The following MPPED1 variants were observed in gnomAD, a reference collection of about 807,000 sequenced individuals.
MPPED1 encodes metallophosphoesterase domain-containing protein 1.
MPPED1 carries 16 observed loss-of-function variants against 36.2 expected under a neutral mutation model. The ratio of observed to expected loss-of-function variants is 0.44; its 90% CI spans 0.30 to 0.67. The LOEUF is 0.67. Among genes scored for constraint, MPPED1 ranks in the 30% least tolerant of loss-of-function variants. The pLI, the probability that MPPED1 is intolerant of heterozygous loss-of-function variation, is 0.10. For missense variants in MPPED1, 307 were observed against 453.4 expected (o/e 0.68, Z 2.93); for synonymous variants, 199 against 191.3 (o/e 1.04, Z -0.33).
chr22:43,451,996 CT>C (rs1930586236), intron 3 of MPPED1, among the ~76,000 whole-genome samples: 1 of 151,880 alleles, frequency 6.6e-6, no homozygotes, highest in Non-Finnish European at 1.5e-5. Context: ...CTGTGATCAC[CT>C]CCCTATATTT....
intron 3 of MPPED1, among the ~76,000 whole-genome samples, chr22:43,454,269 A>G (rs1196946043): frequency 2.0e-5 from 3 of 151,816 alleles, no homozygotes; most frequent in Admixed American, 6.6e-5. Flanking sequence ...TTGGCCTCCC[A>G]AAGTACTGGG....
intron 3 of MPPED1, among the ~76,000 whole-genome samples, chr22:43,464,464 A>G (rs963173638): frequency 9.9e-5 from 15 of 152,188 alleles, no homozygotes; most frequent in Non-Finnish European, 2.2e-4. Flanking sequence ...TCTGGCTTCC[A>G]GATTTGATAG....
Position 43,500,792 on chromosome 22 carries a change from G to A in MPPED1, c.749-1852G>A, listed in dbSNP as rs560499859. Among the ~76,000 whole-genome samples, 13 of 152,192 alleles carry A rather than the reference G, an allele frequency of 8.5e-5. 1 individual carries two copies. Among genetic ancestry groups the A allele is most frequent in the African/African-American group, 2.4e-4 (10 of 41,496 alleles). On this transcript the variant is annotated intron_variant, in intron 5 of 6. Transcript: ENST00000443721. ...GAGGGTTCAGGAACAGCCAAGCCCC[G>A]TGGGACACATTCGGGGGTGAGGGAA...
intron 4 of MPPED1, among the ~76,000 whole-genome samples, chr22:43,480,062 T>C (rs1244559864): frequency 2.0e-5 from 3 of 152,132 alleles, no homozygotes; most frequent in Admixed American, 6.5e-5. Flanking sequence ...TGGGGTCTCA[T>C]GTTGTTGCCC....
chr22:43,495,267 T>TGGTGGTGGTGGTGGA (rs1932228478), intron 4 of MPPED1, among the ~76,000 whole-genome samples: 1 of 135,084 alleles, frequency 7.4e-6, no homozygotes, highest in Non-Finnish European at 1.6e-5. Context: ...GTGATGGAGG[T>TGGTGGTGGTGGTGGA]GGTGGTGGTG....
At chr22:43,434,487 A>G (rs1054899579) in intron 2 of MPPED1, among the ~76,000 whole-genome samples, 1 of 152,236 alleles carries the variant, frequency 6.6e-6, no homozygotes, top group Non-Finnish European at 1.5e-5. Context: ...TGGGGGCCAT[A>G]GCGCCCCTAA....
chr22:43,497,543 C>T (rs1252129573), intron 4 of MPPED1, among the ~76,000 whole-genome samples: 4 of 152,066 alleles, frequency 2.6e-5, no homozygotes, highest in African/African-American at 4.8e-5. Context: ...TTGGAAGGAT[C>T]TAGGTGATGT....
chr22:43,497,438 C>T (rs557522003), intron 4 of MPPED1, among the ~76,000 whole-genome samples: 152 of 152,072 alleles, frequency 1.0e-3, no homozygotes, highest in African/African-American at 3.5e-3. Flanking sequence ...TAACAGCTGC[C>T]GACAGCTGCC....
chr22:43,419,595 C>T (rs561815175), intron 1 of MPPED1, among the ~76,000 whole-genome samples: 43 of 152,070 alleles, frequency 2.8e-4, no homozygotes, highest in African/African-American at 9.4e-4. Context: ...CACCTGAGGG[C>T]GGCAGCTGCT....
In MPPED1 at chr22:43,477,904, A is replaced by G. The variant is rs541933094; in HGVS notation, c.632+2943A>G. On this transcript the variant is annotated intron_variant, in intron 4 of 6. Coordinates refer to ENST00000443721, the MANE Select transcript of MPPED1 (RefSeq NM_001044370.2). ...CCGCCTGCCTTGTTGGGGGGTTGTG[A>G]GGTCTGCTTGGGCCCATCCAGGTGA... Among the ~76,000 whole-genome samples the G allele has an allele frequency of 3.2e-4, 48 of 152,242 alleles. 1 individual carries two copies. The highest frequency in any genetic ancestry group is 1.2e-3 in the African/African-American group (48 of 41,552).
chr22:43,432,839 GAGAA>G (rs1929795411), intron 2 of MPPED1, among the ~76,000 whole-genome samples: 2 of 145,996 alleles, frequency 1.4e-5, no homozygotes, highest in Non-Finnish European at 3.0e-5. Flanking sequence ...AGGAGAGAGA[GAGAA>G]AGGGAGGAGA....
chr22:43,494,721 G>A (rs1478407544), intron 4 of MPPED1, among the ~76,000 whole-genome samples: 1 of 151,952 alleles, frequency 6.6e-6, no homozygotes, highest in Non-Finnish European at 1.5e-5. Context: ...TGGTGGTGGT[G>A]GTGATGGTGG....
At chr22:43,415,552 T>C (rs1344586084) in intron 1 of MPPED1, among the ~76,000 whole-genome samples, 4 of 152,320 alleles carry the variant, frequency 2.6e-5, no homozygotes, top group African/African-American at 7.2e-5. Flanking sequence ...CAAATTGTGA[T>C]TTGAGGTGTT....
In MPPED1 at chr22:43,455,115, C is replaced by CTTTTTTTTTTTTTTTT. The variant is rs71284734; in HGVS notation, c.407-19609_407-19608insTTTTTTTTTTTTTTTT. Reference sequence around the variant, plus strand: ...TTCTCTGCCTCTCTGCCTTCATGTCCTTTTTTTTTTTTGAGACGAAGTCTT... The same window carrying CTTTTTTTTTTTTTTTT: ...TTCTCTGCCTCTCTGCCTTCATGTCCTTTTTTTTTTTTTTTTTTTTTTTTTTTTGAGACGAAGTCTT... On this transcript the variant is annotated intron_variant, in intron 3 of 6. Transcript: ENST00000443721. Among the ~76,000 whole-genome samples, 12 of 122,780 alleles carry CTTTTTTTTTTTTTTTT rather than the reference C, an allele frequency of 9.8e-5. 1 individual carries two copies. Among genetic ancestry groups the CTTTTTTTTTTTTTTTT allele is most frequent in the East Asian group, 5.7e-4 (2 of 3,480 alleles). 80.5% of individuals were successfully genotyped at this position (122,780 alleles called of 152,430 possible). A position where few individuals can be genotyped will look rare whatever the true frequency, so the allele number is the denominator to read the frequency against.
At chr22:43,492,667 GCC>G in intron 4 of MPPED1, among the ~76,000 whole-genome samples, 1 of 152,264 alleles carries the variant, frequency 6.6e-6, no homozygotes, top group South Asian at 2.1e-4. Flanking sequence ...CATTCCCCAG[GCC>G]CCCACCTGTG....
rs761143521 is a variant in MPPED1 at position 43,435,115 on chromosome 22, G to A, written c.306G>A (p.Thr102=). 3.0e-5 allele frequency: 49 copies of A among 1,613,744 alleles called. No homozygotes were observed. The highest frequency in any genetic ancestry group is 5.3e-5 in the African/African-American group (4 of 74,930). ...FVCVSDTHSR[T]DPIQMPYGDV... Reference sequence around the variant, plus strand: ...GCGTCTCTGATACCCACTCGAGGACGGACCCCATCCAGATGCCGTACGGCG... The same window carrying A: ...GCGTCTCTGATACCCACTCGAGGACAGACCCCATCCAGATGCCGTACGGCG... Residue 102 remains threonine, a synonymous_variant, in exon 3 of 7, where the codon ACG becomes ACA. Coordinates refer to ENST00000443721, the MANE Select transcript of MPPED1 (RefSeq NM_001044370.2).
intron 2 of MPPED1, 115 bp downstream of exon 2, chr22:43,425,324 G>A: frequency 2.1e-6 from 3 of 1,429,362 alleles, no homozygotes; most frequent in East Asian, 2.5e-5. Context: ...AATGTTTGTT[G>A]ACTGCAACAA....
chr22:43,453,326 C>T (rs527310613), intron 3 of MPPED1, among the ~76,000 whole-genome samples: 22 of 133,944 alleles, frequency 1.6e-4, no homozygotes, highest in African/African-American at 5.1e-4. Flanking sequence ...CCCGCACCAC[C>T]CCCCCTGCCC....
chr22:43,449,231 A>C (rs902794939), intron 3 of MPPED1, among the ~76,000 whole-genome samples: 1 of 152,130 alleles, frequency 6.6e-6, no homozygotes, highest in African/African-American at 2.4e-5. Flanking sequence ...GTTTACAGGC[A>C]CTTTCACGTT....
Sources: gnomAD v4.1 joint callset for allele counts (sites outside exome capture counted in the v4.1 genomes callset) on GRCh38, gnomAD v4.1.1 for gene constraint, MANE v1.5 for transcripts, NCBI Gene and HGNC (gene_info 2026-07-23, HGNC 2026-07-21) for gene names.